Variants in EFL1 observed in about 807,000 individuals in gnomAD.
The protein encoded by EFL1 is elongation factor-like GTPase 1.
A neutral mutation model predicts 126.7 loss-of-function variants in EFL1; 76 were observed. That is an observed-to-expected ratio of 0.60 (90% confidence interval 0.50 to 0.73). The LOEUF (loss-of-function observed/expected upper bound fraction) is 0.73. Ranked by LOEUF, EFL1 falls within the 30% of genes least tolerant of loss-of-function variation. The pLI is 0.00. For missense variants in EFL1, 1,128 were observed against 1,343.2 expected (o/e 0.84, Z 2.50); for synonymous variants, 410 against 448.4 (o/e 0.91, Z 1.08).
At chr15:82,166,787 A>G (rs2074083848) in intron 15 of EFL1, among the ~76,000 whole-genome samples, 1 of 152,174 alleles carries the variant, frequency 6.6e-6, no homozygotes, top group African/African-American at 2.4e-5. Context: ...CATAATTTAC[A>G]CTGTTGTAAT....
intron 7 of EFL1, chr15:82,233,603 T>G (rs1156501396): frequency 6.6e-6 from 1 of 152,232 alleles, no homozygotes; most frequent in African/African-American, 2.4e-5. Flanking sequence ...GTCCCTCTTC[T>G]ATAAGGTTGA....
At chr15:82,185,214 T>TGTGTGC (rs1491357360) in intron 15 of EFL1, among the ~76,000 whole-genome samples, 7 of 143,070 alleles carry the variant, frequency 4.9e-5, no homozygotes, top group African/African-American at 1.9e-4. Context: ...TGTGTGTGTG[T>TGTGTGC]GCGTTCCTCA....
chr15:82,181,212 T>C (rs897678608), intron 15 of EFL1, among the ~76,000 whole-genome samples: 4 of 152,224 alleles, frequency 2.6e-5, no homozygotes, highest in African/African-American at 7.2e-5. Flanking sequence ...TGTAACTCAA[T>C]ATATGGTTTT....
At chr15:82,251,379 A>G (rs1272282661) in intron 4 of EFL1, among the ~76,000 whole-genome samples, 6 of 152,204 alleles carry the variant, frequency 3.9e-5, no homozygotes, top group African/African-American at 1.4e-4. Context: ...GGAACAGGTG[A>G]ATTTTATGGT....
chr15:82,198,913 G>T (rs1367192948), intron 15 of EFL1, among the ~76,000 whole-genome samples: 1 of 152,022 alleles, frequency 6.6e-6, no homozygotes, highest in African/African-American at 2.4e-5. Flanking sequence ...CTAACCTAGT[G>T]ATCAATATAG....
At chr15:82,187,910 T>C (rs1200919427) in intron 15 of EFL1, among the ~76,000 whole-genome samples, 5 of 152,148 alleles carry the variant, frequency 3.3e-5, no homozygotes, top group Non-Finnish European at 7.4e-5. Context: ...TTGTCCTATA[T>C]TTCACGGTAA....
At chr15:82,132,095 T>C (rs1337398091) in intron 19 of EFL1, among the ~76,000 whole-genome samples, 1 of 152,174 alleles carries the variant, frequency 6.6e-6, no homozygotes, top group Non-Finnish European at 1.5e-5. Flanking sequence ...ATGCTGGAAA[T>C]CTGTGGGCAC....
intron 15 of EFL1, among the ~76,000 whole-genome samples, chr15:82,204,873 A>C (rs1337222543): frequency 6.6e-6 from 1 of 152,242 alleles, no homozygotes; most frequent in East Asian, 1.9e-4. Flanking sequence ...TGTTTCCAGC[A>C]TATCTTTGGA....
At position 82,227,472 on chromosome 15, in the gene EFL1, T is replaced by C. The variant is rs2074776068; in HGVS notation, c.1170A>G (p.Pro390=). The C allele has an allele frequency of 2.5e-6, 4 of 1,614,038 alleles. No individual in the cohort carries two copies. Among genetic ancestry groups the C allele is most frequent in the African/African-American group, 1.3e-5 (1 of 74,922 alleles). Residue 390 remains proline, a synonymous_variant, in exon 11 of 20, where the codon CCA becomes CCG. Coordinates refer to ENST00000268206, the MANE Select transcript of EFL1 (RefSeq NM_024580.6). ...TGSQTFDSFP[P]ETQALKAAFM... is the part of the protein sequence containing the mutation. The stretch of plus-strand genomic sequence containing the variant: ...CACCTGCTTTCAGTGCTTGAGTTTC[T>C]GGTGGAAAAGAGTCAAAAGTTTGTG...
chr15:82,259,728 T>C (rs1481392465), intron 2 of EFL1, among the ~76,000 whole-genome samples: 9 of 152,208 alleles, frequency 5.9e-5, no homozygotes, highest in Non-Finnish European at 1.0e-4. Context: ...CAGGTGATTC[T>C]GTGTAAAGAA....
intron 15 of EFL1, among the ~76,000 whole-genome samples, chr15:82,188,808 T>G (rs2074328020): frequency 6.6e-6 from 1 of 152,218 alleles, no homozygotes; most frequent in South Asian, 2.1e-4. Context: ...CACATTATAA[T>G]TCATTTCTTG....
intron 8 of EFL1, 58 bp downstream of exon 8, chr15:82,230,790 T>G: frequency 1.3e-6 from 2 of 1,541,102 alleles, no homozygotes; most frequent in Non-Finnish European, 1.7e-6. Context: ...TATTACAGTA[T>G]AGGTTTTCAT....
chr15:82,144,411 T>C (rs1156431928), intron 18 of EFL1, among the ~76,000 whole-genome samples: 1 of 152,204 alleles, frequency 6.6e-6, no homozygotes, highest in Non-Finnish European at 1.5e-5. Context: ...AATTATTCCA[T>C]CAATCAAAGC....
chr15:82,138,611 T>C, intron 19 of EFL1, 47 bp downstream of exon 19: 1 of 1,594,554 alleles, frequency 6.3e-7, no homozygotes, highest in Non-Finnish European at 8.6e-7. Context: ...GTAGGGAATG[T>C]ATCCATAGAT....
chr15:82,227,352 C>T, intron 11 of EFL1, 98 bp downstream of exon 11: 1 of 1,570,730 alleles, frequency 6.4e-7, no homozygotes, highest in South Asian at 1.1e-5. Flanking sequence ...GGCAAATTGG[C>T]CATTTAGCAA....
chr15:82,221,224 A>G (rs149386196), intron 12 of EFL1, among the ~76,000 whole-genome samples: 182 of 152,244 alleles, frequency 1.2e-3, no homozygotes, highest in Non-Finnish European at 2.1e-3. Flanking sequence ...ATCACCTTTG[A>G]TATTATGATT....
At chr15:82,192,773 A>C (rs112582760) in intron 15 of EFL1, among the ~76,000 whole-genome samples, 7 of 152,330 alleles carry the variant, frequency 4.6e-5, no homozygotes, top group East Asian at 1.9e-4. Context: ...ACACCACGTA[A>C]GCAAGAGCTC....
intron 18 of EFL1, among the ~76,000 whole-genome samples, chr15:82,145,702 C>T (rs1026346509): frequency 1.3e-5 from 2 of 151,570 alleles, no homozygotes; most frequent in African/African-American, 2.4e-5. Context: ...GGAGTGGTGG[C>T]GGGTTCCTGT....
intron 15 of EFL1, among the ~76,000 whole-genome samples, chr15:82,168,432 G>C (rs948995381): frequency 6.6e-6 from 1 of 152,106 alleles, no homozygotes; most frequent in East Asian, 1.9e-4. Flanking sequence ...TAGGCCTTAG[G>C]GAAAAATCTT....
Sources: gnomAD v4.1 joint callset for allele counts (sites outside exome capture counted in the v4.1 genomes callset) on GRCh38, gnomAD v4.1.1 for gene constraint, MANE v1.5 for transcripts, NCBI Gene and HGNC (gene_info 2026-07-23, HGNC 2026-07-21) for gene names.